The following CDC42BPA variants were observed in gnomAD, a reference collection of about 807,000 sequenced individuals.
CDC42BPA encodes CDC42 binding protein kinase alpha, also known as serine/threonine-protein kinase MRCK alpha.
CDC42BPA carries 80 observed loss-of-function variants against 223.5 expected under a neutral mutation model. The observed-to-expected ratio is 0.36, with a 90% CI of 0.30 to 0.43. The LOEUF (loss-of-function observed/expected upper bound fraction) is 0.43. Ranked by LOEUF, CDC42BPA falls within the 20% of genes least tolerant of loss-of-function variation. The pLI, the probability that CDC42BPA is intolerant of heterozygous loss-of-function variation, is 1.00. For synonymous variants in CDC42BPA, 694 were observed against 718.6 expected (o/e 0.97, Z 0.55); for missense variants, 1,743 against 2,099.9 (o/e 0.83, Z 3.32).
At chr1:227,298,732 C>CA (rs1691134406) in intron 1 of CDC42BPA, among the ~76,000 whole-genome samples, 1 of 151,972 alleles carries the variant, frequency 6.6e-6, no homozygotes, top group African/African-American at 2.4e-5. Flanking sequence ...AGACAGCAGC[C>CA]GCTCAGTGGC....
At chr1:227,220,726 T>A (rs1243149469) in intron 2 of CDC42BPA, among the ~76,000 whole-genome samples, 1 of 152,124 alleles carries the variant, frequency 6.6e-6, no homozygotes, top group Non-Finnish European at 1.5e-5. Context: ...GCTAACAGTA[T>A]CATTTGACAT....
intron 15 of CDC42BPA, 137 bp downstream of exon 15, chr1:227,100,855 A>G: frequency 5.1e-6 from 3 of 583,686 alleles, no homozygotes; most frequent in Non-Finnish European, 8.8e-6. Context: ...ATGCTGTATT[A>G]TAATTTTCTA....
intron 1 of CDC42BPA, among the ~76,000 whole-genome samples, chr1:227,278,326 T>G (rs994596263): frequency 4.6e-5 from 7 of 150,902 alleles, no homozygotes; most frequent in African/African-American, 1.7e-4. Flanking sequence ...GTATGTGCTT[T>G]AAATAGAATT....
intron 4 of CDC42BPA, among the ~76,000 whole-genome samples, chr1:227,195,484 G>T (rs984693850): frequency 1.1e-5 from 1 of 94,120 alleles, no homozygotes; most frequent in Non-Finnish European, 2.4e-5. Flanking sequence ...GTACCCTAAC[G>T]TTGAACTGAC....
At chr1:227,072,540 T>C (rs979557897) in intron 19 of CDC42BPA, among the ~76,000 whole-genome samples, 1 of 151,984 alleles carries the variant, frequency 6.6e-6, no homozygotes, top group African/African-American at 2.4e-5. Flanking sequence ...TACACTACAA[T>C]AGCAGAGATG....
intron 1 of CDC42BPA, chr1:227,265,109 T>C: frequency 2.6e-6 from 2 of 771,182 alleles, no homozygotes; most frequent in Non-Finnish European, 4.8e-6. Context: ...GTACCAAATT[T>C]TAACAGAAAC....
intron 23 of CDC42BPA, among the ~76,000 whole-genome samples, chr1:227,041,111 C>A (rs1671273788): frequency 1.3e-5 from 2 of 151,976 alleles, no homozygotes; most frequent in African/African-American, 4.8e-5. Context: ...CAAAGCCTTT[C>A]AAACAGTACC....
intron 1 of CDC42BPA, among the ~76,000 whole-genome samples, chr1:227,278,405 G>GTC (rs1166791617): frequency 1.3e-5 from 2 of 152,208 alleles, no homozygotes; most frequent in East Asian, 3.8e-4. Context: ...GGCAAAGCCA[G>GTC]TCCTCACTGT....
At chr1:227,044,321 A>G (rs937063467) in intron 23 of CDC42BPA, among the ~76,000 whole-genome samples, 15 of 152,310 alleles carry the variant, frequency 9.8e-5, no homozygotes, top group African/African-American at 3.4e-4. Flanking sequence ...TCACTGTAAA[A>G]GCATTTTTAA....
intron 12 of CDC42BPA, among the ~76,000 whole-genome samples, chr1:227,113,799 G>C (rs1436264129): frequency 1.3e-5 from 2 of 150,692 alleles, no homozygotes; most frequent in Non-Finnish European, 3.0e-5. Context: ...GATTGCTTGA[G>C]CCAAGGAGTT....
rs1660903766 is a variant in CDC42BPA at position 227,147,539 on chromosome 1, T to G, written c.714A>C (p.Val238=). The G allele has an allele frequency of 6.2e-7, 1 of 1,606,980 alleles. No individual in the cohort carries two copies. Residue 238 remains valine (V), a synonymous_variant, in exon 7 of 37, where the codon GTA becomes GTC. Transcript: ENST00000366766. ...CAGGAGAGATATAATCTGGAGTTCC[T>G]ACAGCCACTGAGGACTGAACCTGAA... is the stretch of plus-strand genomic sequence containing the variant. ...EDGTVQSSVA[V]GTPDYISPEI...
At chr1:227,211,317 A>C (rs1402018030) in intron 3 of CDC42BPA, among the ~76,000 whole-genome samples, 1 of 152,140 alleles carries the variant, frequency 6.6e-6, no homozygotes, top group African/African-American at 2.4e-5. Flanking sequence ...TATTAGTAGG[A>C]ATGTAAATTA....
intron 35 of CDC42BPA, chr1:227,004,327 T>C (rs61834000): frequency 0.21 from 31,536 of 152,344 alleles, 3,565 homozygotes; most frequent in Non-Finnish European, 0.24. Context: ...TGGTTTCCAT[T>C]GGGACCACTC....
chr1:227,086,684 T>C (rs1572717196), intron 16 of CDC42BPA, among the ~76,000 whole-genome samples: 3 of 146,048 alleles, frequency 2.1e-5, no homozygotes. Flanking sequence ...GGTTTTTTTT[T>C]CCTTTTTTTT....
chr1:227,275,266 A>G (rs1686734690), intron 1 of CDC42BPA, among the ~76,000 whole-genome samples: 1 of 94,918 alleles, frequency 1.1e-5, no homozygotes, highest in African/African-American at 4.1e-5. Context: ...TTAGAATGGA[A>G]TAATAATAAA....
chr1:227,191,413 A>G (rs1481998121), intron 5 of CDC42BPA, among the ~76,000 whole-genome samples: 1 of 152,160 alleles, frequency 6.6e-6, no homozygotes, highest in Non-Finnish European at 1.5e-5. Flanking sequence ...GAGCTGCCCA[A>G]CAATGGAATA....
intron 1 of CDC42BPA, among the ~76,000 whole-genome samples, chr1:227,280,251 T>A (rs1415924350): frequency 6.6e-6 from 1 of 152,240 alleles, no homozygotes; most frequent in Non-Finnish European, 1.5e-5. Flanking sequence ...TTGCCACTGG[T>A]TTGTAAGCTA....
At chr1:227,157,924 T>C (rs114612532) in intron 6 of CDC42BPA, among the ~76,000 whole-genome samples, 1,641 of 151,698 alleles carry the variant, frequency 0.011, 32 homozygotes, top group African/African-American at 0.037. Context: ...TAAGGCTACA[T>C]TTTCCTTTGT....
intron 10 of CDC42BPA, among the ~76,000 whole-genome samples, chr1:227,131,209 C>T (rs924310165): frequency 9.2e-5 from 14 of 152,148 alleles, no homozygotes. Context: ...GCAGATACTG[C>T]TTGTTTTTAC....
Sources: gnomAD v4.1 joint callset for allele counts (sites outside exome capture counted in the v4.1 genomes callset) on GRCh38, gnomAD v4.1.1 for gene constraint, MANE v1.5 for transcripts, NCBI Gene and HGNC (gene_info 2026-07-23, HGNC 2026-07-21) for gene names.